The following FAM219A variants were observed in gnomAD, a reference collection of about 807,000 sequenced individuals.
FAM219A encodes family with sequence similarity 219 member A.
FAM219A carries 7 observed loss-of-function variants against 23.4 expected under a neutral mutation model. The observed-to-expected ratio is 0.30, with a 90% CI of 0.17 to 0.56. FAM219A has a LOEUF of 0.56. Among genes scored for constraint, FAM219A ranks in the 20% least tolerant of loss-of-function variants. The probability of loss-of-function intolerance (pLI) is 0.92; values close to 1 mark genes in which losing one functional copy is unlikely to be tolerated. For missense variants in FAM219A, 166 were observed against 246.9 expected (o/e 0.67, Z 2.20); for synonymous variants, 93 against 99.0 (o/e 0.94, Z 0.36).
rs1328095005 is a variant in FAM219A, at chr9:34,398,347, G to A, written c.*2617C>T. 1.3e-6 allele frequency: 2 copies of A among 1,550,724 alleles called. No individual in the cohort carries two copies. The highest frequency in any genetic ancestry group is 1.7e-6 in the Non-Finnish European group (2 of 1,147,004). On this transcript the variant is annotated 3_prime_UTR_variant, in exon 6 of 6. Coordinates refer to ENST00000651358, the MANE Select transcript of FAM219A (RefSeq NM_001184940.2). Reference sequence around the variant, plus strand: ...TTAGTGAGCACGGAGAAACCTGGCTGGGTGGCAGCCACAGCTGAGAGAGGA... The same window carrying A: ...TTAGTGAGCACGGAGAAACCTGGCTAGGTGGCAGCCACAGCTGAGAGAGGA...
intron 1 of FAM219A, among the ~76,000 whole-genome samples, chr9:34,415,269 T>C (rs1821960120): frequency 6.6e-6 from 1 of 152,156 alleles, no homozygotes; most frequent in South Asian, 2.1e-4. Context: ...ATTATCACAC[T>C]CGGGCTAGAG....
At chr9:34,407,218 A>G (rs995215485) in intron 1 of FAM219A, among the ~76,000 whole-genome samples, 3 of 152,002 alleles carry the variant, frequency 2.0e-5, no homozygotes, top group Non-Finnish European at 4.4e-5. Flanking sequence ...AGGACCAAAT[A>G]TTGACAGGGG....
At position 34,458,104 on chromosome 9, in the gene FAM219A, C is replaced by T; in HGVS notation, c.60+100G>A. 1 of 1,147,954 alleles carries T rather than the reference C, an allele frequency of 8.7e-7. No individual in the cohort carries two copies. The highest frequency in any genetic ancestry group is 1.2e-6 in the Non-Finnish European group (1 of 850,930). The allele number at this position is 1,147,954 out of a possible 1,614,324, so 71.1% of individuals were successfully genotyped here. A position where few individuals can be genotyped will look rare whatever the true frequency, so the allele number is the denominator to read the frequency against. The stretch of plus-strand genomic sequence containing the variant: ...TTTTCAGGGATCTCTTTGCCCCATC[C>T]GATGGCGCCCCTCCGCACGATCCCC... On this transcript the variant is annotated intron_variant, in intron 1 of 5. Coordinates refer to ENST00000651358, the MANE Select transcript of FAM219A (RefSeq NM_001184940.2). The surrounding 1 kb of genome is among the most constrained non-coding windows in gnomAD (Gnocchi z 6.6).
In FAM219A at chr9:34,457,881, T is replaced by G. The variant is rs1823810812; in HGVS notation, c.60+323A>C. Among the ~76,000 whole-genome samples the G allele has an allele frequency of 6.6e-6, 1 of 152,144 alleles. No homozygotes were observed. Among genetic ancestry groups the G allele is most frequent in the African/African-American group, 2.4e-5 (1 of 41,434 alleles). ...AGACCCCTGGGCCTGCCGCCGGCGG[T>G]GCCCCATGGCAGTTCCCTCGCCAGT... On this transcript the variant is annotated intron_variant, in intron 1 of 5. Transcript: ENST00000651358. This position sits in a 1 kb window ranked among gnomAD's most constrained non-coding sequence, Gnocchi z 5.1.
At chr9:34,438,854 C>A (rs1050404460) in intron 1 of FAM219A, among the ~76,000 whole-genome samples, 12 of 152,224 alleles carry the variant, frequency 7.9e-5, no homozygotes, top group African/African-American at 2.9e-4. Flanking sequence ...AGTGGCAACC[C>A]GCTCAGGTCC....
chr9:34,439,538 G>T (rs1041393990), intron 1 of FAM219A, among the ~76,000 whole-genome samples: 4 of 152,036 alleles, frequency 2.6e-5, no homozygotes, highest in African/African-American at 9.7e-5. Context: ...GTGCAATAAG[G>T]GGAAGACTAC....
intron 1 of FAM219A, among the ~76,000 whole-genome samples, chr9:34,433,833 T>C (rs1301533345): frequency 6.6e-6 from 1 of 152,146 alleles, no homozygotes; most frequent in Non-Finnish European, 1.5e-5. Flanking sequence ...AGTAACACAA[T>C]ACAGAAGTGA....
chr9:34,446,243 C>CA (rs1823368387), intron 1 of FAM219A, among the ~76,000 whole-genome samples: 1 of 151,514 alleles, frequency 6.6e-6, no homozygotes, highest in African/African-American at 2.4e-5. Flanking sequence ...ATAAACTTTA[C>CA]ACAATGACAA....
intron 1 of FAM219A, among the ~76,000 whole-genome samples, chr9:34,446,994 C>T (rs1210891967): frequency 6.6e-6 from 1 of 152,200 alleles, no homozygotes; most frequent in African/African-American, 2.4e-5. Context: ...AGCTTTCTGT[C>T]CACTCAAGCA....
At position 34,428,259 on chromosome 9, in the gene FAM219A, A is replaced by AT. The variant is rs556024547; in HGVS notation, c.61-22296dup. On this transcript the variant is annotated intron_variant, in intron 1 of 5. Transcript: ENST00000651358. ...CAGGGAAACTCTTCAGGATTTAGAC[A>AT]TAAGGGCAAACAGATGGTAAAGGAA... Among the ~76,000 whole-genome samples, 53 of 152,352 alleles carry AT rather than the reference A, an allele frequency of 3.5e-4. No homozygotes were observed. The South Asian group carries it at 0.011, about 31-fold the overall frequency.
In FAM219A at chr9:34,400,629, T is replaced by G; in HGVS notation, c.*335A>C. The stretch of plus-strand genomic sequence containing the variant: ...CTGGCTTTGTGATCCCCCCACTCGT[T>G]AATGTTGACCTCCCTGCCGTCCAGT... On this transcript the variant is annotated 3_prime_UTR_variant, in exon 6 of 6. Coordinates refer to ENST00000651358, the MANE Select transcript of FAM219A (RefSeq NM_001184940.2). 1 of 214,312 alleles carries G rather than the reference T, an allele frequency of 4.7e-6. No individual in the cohort carries two copies. 13.3% of individuals were successfully genotyped at this position (214,312 alleles called of 1,614,324 possible).
chr9:34,449,312 T>C (rs565173297), intron 1 of FAM219A, among the ~76,000 whole-genome samples: 4 of 152,124 alleles, frequency 2.6e-5, no homozygotes, highest in South Asian at 4.1e-4. Flanking sequence ...CAAAAAACAG[T>C]AAAGTACTAA....
intron 1 of FAM219A, among the ~76,000 whole-genome samples, chr9:34,437,358 T>C (rs1822960686): frequency 6.6e-6 from 1 of 152,148 alleles, no homozygotes; most frequent in African/African-American, 2.4e-5. Context: ...CCCTGAGACA[T>C]ATATACCCTG....
chr9:34,411,761 C>T (rs1490018881), intron 1 of FAM219A, among the ~76,000 whole-genome samples: 3 of 151,362 alleles, frequency 2.0e-5, no homozygotes, highest in South Asian at 2.1e-4. Flanking sequence ...ATAAAGGTAA[C>T]CAAGAGCCAT....
chr9:34,401,250 G>A (rs1015160710), intron 5 of FAM219A, 128 bp from the exon 6 acceptor site: 40 of 1,185,312 alleles, frequency 3.4e-5, no homozygotes, highest in Non-Finnish European at 4.3e-5. Flanking sequence ...GCCCTGTCCC[G>A]GGTCTGTCTG....
chr9:34,423,342 G>T (rs1230621902), intron 1 of FAM219A, among the ~76,000 whole-genome samples: 5 of 152,108 alleles, frequency 3.3e-5, no homozygotes, highest in African/African-American at 1.2e-4. Context: ...GAAAACTGAT[G>T]GAGGAAGCAA....
At chr9:34,412,261 G>C (rs891711597) in intron 1 of FAM219A, among the ~76,000 whole-genome samples, 1 of 152,136 alleles carries the variant, frequency 6.6e-6, no homozygotes. Context: ...GAAGATAAAA[G>C]AACAGAAAGG....
At chr9:34,443,543 C>T (rs1046468686) in intron 1 of FAM219A, among the ~76,000 whole-genome samples, 1 of 152,172 alleles carries the variant, frequency 6.6e-6, no homozygotes, top group African/African-American at 2.4e-5. Context: ...ATCAGCAACC[C>T]TTTCATTATC....
At chr9:34,427,171 C>T (rs1716270510) in intron 1 of FAM219A, among the ~76,000 whole-genome samples, 1 of 152,112 alleles carries the variant, frequency 6.6e-6, no homozygotes, top group Non-Finnish European at 1.5e-5. Context: ...AGCTGACACA[C>T]ATCACCTCTT....
Sources: gnomAD v4.1 joint callset for allele counts (sites outside exome capture counted in the v4.1 genomes callset) on GRCh38, gnomAD v4.1.1 for gene constraint, Gnocchi (gnomAD v3.1) non-coding constraint, MANE v1.5 for transcripts, NCBI Gene and HGNC (gene_info 2026-07-23, HGNC 2026-07-21) for gene names.